NRG3: variants seen among roughly 807,000 people sequenced by gnomAD.
The protein encoded by NRG3 is neuregulin 3.
In NRG3, 31 loss-of-function variants were observed where a neutral mutation model predicts 66.9. The observed-to-expected ratio is 0.46, with a 90% confidence interval of 0.35 to 0.63. The LOEUF (loss-of-function observed/expected upper bound fraction) is 0.63, where lower values mean the gene tolerates loss of function less well. NRG3 is among the 20% of genes least tolerant of loss of function. The pLI, the probability that NRG3 is intolerant of heterozygous loss-of-function variation, is 0.00. For missense variants in NRG3, 910 were observed against 878.9 expected (o/e 1.04, Z -0.45); for synonymous variants, 393 against 359.4 (o/e 1.09, Z -1.06).
chr10:82,556,489 T>C (rs2044659823), intron 2 of NRG3, among the ~76,000 whole-genome samples: 1 of 152,128 alleles, frequency 6.6e-6, no homozygotes, highest in Non-Finnish European at 1.5e-5. Context: ...GCATGTGAGC[T>C]GCATTGGCTG....
chr10:82,663,409 A>T (rs1195563870), intron 2 of NRG3, among the ~76,000 whole-genome samples: 1 of 152,014 alleles, frequency 6.6e-6, no homozygotes, highest in African/African-American at 2.4e-5. Flanking sequence ...GTAGATCTGA[A>T]AAGGACTGTG....
intron 2 of NRG3, among the ~76,000 whole-genome samples, chr10:82,721,429 C>T (rs916808578): frequency 5.3e-5 from 8 of 150,648 alleles, no homozygotes; most frequent in South Asian, 2.1e-4. Flanking sequence ...TGAGCCACCG[C>T]GCCCGGCCTT....
chr10:82,868,066 G>T (rs1433739072), intron 4 of NRG3, among the ~76,000 whole-genome samples: 3 of 152,140 alleles, frequency 2.0e-5, no homozygotes, highest in Admixed American at 2.0e-4. Flanking sequence ...CTGCATAGTT[G>T]GTGGTGGGAC....
At chr10:82,432,172 T>C (rs956593841) in intron 2 of NRG3, among the ~76,000 whole-genome samples, 1 of 152,210 alleles carries the variant, frequency 6.6e-6, no homozygotes, top group African/African-American at 2.4e-5. Context: ...GTTATGCATA[T>C]GTGCAGATAT....
At chr10:82,441,298 A>G (rs2090421015) in intron 2 of NRG3, among the ~76,000 whole-genome samples, 1 of 152,236 alleles carries the variant, frequency 6.6e-6, no homozygotes, top group Non-Finnish European at 1.5e-5. Flanking sequence ...ATTAATACAC[A>G]TATAAGGGAT....
chr10:82,145,954 G>A (rs978487847), intron 1 of NRG3, among the ~76,000 whole-genome samples: 3 of 152,126 alleles, frequency 2.0e-5, no homozygotes. Context: ...TACAGAACTT[G>A]CATATGACTA....
chr10:82,336,530 T>TA (rs2082398018), intron 1 of NRG3, among the ~76,000 whole-genome samples: 1 of 91,976 alleles, frequency 1.1e-5, no homozygotes, highest in Non-Finnish European at 1.8e-5. Context: ...TTTTCTTTTC[T>TA]TTTTTTTTTT....
intron 1 of NRG3, among the ~76,000 whole-genome samples, chr10:81,999,325 C>A (rs564975038): frequency 2.0e-5 from 3 of 152,254 alleles, no homozygotes; most frequent in Admixed American, 1.3e-4. Context: ...AGAACGATTT[C>A]TAAAACTTAT....
At chr10:82,178,575 A>C (rs2073201707) in intron 1 of NRG3, among the ~76,000 whole-genome samples, 1 of 152,148 alleles carries the variant, frequency 6.6e-6, no homozygotes, top group African/African-American at 2.4e-5. Context: ...TTTATGGCTA[A>C]ATAGTATTTT....
At chr10:82,780,614 A>T (rs1368046930) in intron 3 of NRG3, among the ~76,000 whole-genome samples, 1 of 151,612 alleles carries the variant, frequency 6.6e-6, no homozygotes, top group Non-Finnish European at 1.5e-5. Flanking sequence ...CTTTTATTTC[A>T]ACAGGCAGTT....
At chr10:82,685,847 C>T (rs1394712215) in intron 2 of NRG3, among the ~76,000 whole-genome samples, 2 of 152,118 alleles carry the variant, frequency 1.3e-5, no homozygotes, top group East Asian at 3.9e-4. Flanking sequence ...TAACCATATA[C>T]ACTAGCCTAG....
At chr10:82,216,460 A>ATGTGTG (rs141417032) in intron 1 of NRG3, among the ~76,000 whole-genome samples, 45 of 146,412 alleles carry the variant, frequency 3.1e-4, no homozygotes, top group East Asian at 8.1e-4. Flanking sequence ...TTTTATATAT[A>ATGTGTG]TGTGTGTGTG....
At chr10:81,903,600 C>G (rs901719295) in intron 1 of NRG3, among the ~76,000 whole-genome samples, 6 of 152,076 alleles carry the variant, frequency 3.9e-5, no homozygotes, top group Admixed American at 2.6e-4. Context: ...GCCGAGAACT[C>G]GTATATCATA....
intron 5 of NRG3, among the ~76,000 whole-genome samples, chr10:82,957,219 T>G (rs2132421943): frequency 6.6e-6 from 1 of 152,108 alleles, no homozygotes; most frequent in East Asian, 1.9e-4. Flanking sequence ...AGATAGCTTT[T>G]ATGAACTTCA....
chr10:81,974,872 G>C (rs1379433252), intron 1 of NRG3, among the ~76,000 whole-genome samples: 1 of 152,078 alleles, frequency 6.6e-6, no homozygotes, highest in African/African-American at 2.4e-5. Flanking sequence ...GTATAAGGAA[G>C]CTAGTGGGAG....
chr10:82,527,581 G>A (rs982916536), intron 2 of NRG3, among the ~76,000 whole-genome samples: 5 of 152,124 alleles, frequency 3.3e-5, no homozygotes, highest in African/African-American at 7.2e-5. Context: ...AACTATTTTA[G>A]GGTTCATAGG....
chr10:82,141,488 C>A (rs1416315982), intron 1 of NRG3, among the ~76,000 whole-genome samples: 1 of 152,244 alleles, frequency 6.6e-6, no homozygotes, highest in African/African-American at 2.4e-5. Context: ...TGGCAAAAAC[C>A]TGCTGATCAT....
intron 2 of NRG3, among the ~76,000 whole-genome samples, chr10:82,705,540 C>G (rs2992382): frequency 0.57 from 86,049 of 152,028 alleles, 27,015 homozygotes; most frequent in East Asian, 0.73. Context: ...CTCCCCTAAT[C>G]CAAGCTGCAG....
At chr10:82,578,846 C>T (rs145411581) in intron 2 of NRG3, among the ~76,000 whole-genome samples, 4 of 151,860 alleles carry the variant, frequency 2.6e-5, no homozygotes, top group East Asian at 1.9e-4. Context: ...AGAAGATTTT[C>T]GAAGGTCAAT....
Sources: allele counts gnomAD v4.1 joint callset (sites outside exome capture counted in the v4.1 genomes callset), GRCh38; gene constraint gnomAD v4.1.1; transcripts MANE v1.5; gene names NCBI Gene and HGNC (gene_info 2026-07-23, HGNC 2026-07-21).